The following RAB6A variants were observed in gnomAD, a reference collection of about 807,000 sequenced individuals.
RAB6A encodes RAB6A, member RAS oncogene family, also known as ras-related protein Rab-6A.
A neutral mutation model predicts 32.3 loss-of-function variants in RAB6A; 8 were observed. The ratio of observed to expected loss-of-function variants is 0.25; its 90% CI spans 0.15 to 0.45. The LOEUF is 0.45. Ranked by LOEUF, RAB6A falls within the 20% of genes least tolerant of loss-of-function variation. The pLI, the probability that RAB6A is intolerant of heterozygous loss-of-function variation, is 1.00. For missense variants in RAB6A, 104 were observed against 249.4 expected (o/e 0.42, Z 3.93); for synonymous variants, 73 against 82.1 (o/e 0.89, Z 0.60).
chr11:73,748,091 G>A (rs1018523693), intron 1 of RAB6A, among the ~76,000 whole-genome samples: 1 of 152,092 alleles, frequency 6.6e-6, no homozygotes, highest in African/African-American at 2.4e-5. Context: ...TTCATCAAAG[G>A]GATCTTACCT....
At chr11:73,734,039 T>A (rs887515891) in intron 1 of RAB6A, among the ~76,000 whole-genome samples, 2 of 152,168 alleles carry the variant, frequency 1.3e-5, no homozygotes, top group African/African-American at 2.4e-5. Context: ...CAAGAACCCC[T>A]GATATACTGT....
At chr11:73,709,436 T>C (rs1565357509) in intron 5 of RAB6A, among the ~76,000 whole-genome samples, 1 of 72,584 alleles carries the variant, frequency 1.4e-5, no homozygotes, top group African/African-American at 4.3e-5. Context: ...TCTCCTTAAG[T>C]ATATTATTAT....
intron 6 of RAB6A, among the ~76,000 whole-genome samples, chr11:73,701,488 G>C (rs2134906348): frequency 6.6e-6 from 1 of 152,222 alleles, no homozygotes; most frequent in East Asian, 1.9e-4. Context: ...ATTATTTCAC[G>C]ATAATCAGTT....
intron 6 of RAB6A, among the ~76,000 whole-genome samples, chr11:73,696,382 G>A (rs890690932): frequency 3.9e-5 from 6 of 151,902 alleles, no homozygotes; most frequent in Non-Finnish European, 7.4e-5. Flanking sequence ...ATTTTCAGTA[G>A]AGACTTTGGC....
At chr11:73,730,067 A>T (rs1322460784) in intron 2 of RAB6A, 1 of 152,278 alleles carries the variant, frequency 6.6e-6, no homozygotes, top group African/African-American at 2.4e-5. Context: ...ATAACAAACT[A>T]TCTTTTCAAT....
At chr11:73,739,738 T>A (rs115720498) in intron 1 of RAB6A, among the ~76,000 whole-genome samples, 5 of 152,000 alleles carry the variant, frequency 3.3e-5, no homozygotes, top group African/African-American at 1.2e-4. Flanking sequence ...ATTCACACAA[T>A]CTAAGACTGG....
In RAB6A at chr11:73,720,905, A is replaced by G. The variant is rs763470696; in HGVS notation, c.130-6T>C. The G allele has an allele frequency of 6.2e-7, 1 of 1,600,284 alleles. No homozygotes were observed. The highest frequency in any genetic ancestry group is 8.6e-7 in the Non-Finnish European group (1 of 1,169,138). On this transcript the variant is annotated splice_polypyrimidine_tract_variant and splice_region_variant and intron_variant, in intron 2 of 7. Transcript: ENST00000336083. Reference sequence around the variant, plus strand: ...AAGTCAATGCCAATTGTTGCCTGTAAAACAAAACAAAGAAGTTAACAAATA... The same window carrying G: ...AAGTCAATGCCAATTGTTGCCTGTAGAACAAAACAAAGAAGTTAACAAATA...
chr11:73,756,848 AT>A (rs1336872114), intron 1 of RAB6A, among the ~76,000 whole-genome samples: 3 of 149,584 alleles, frequency 2.0e-5, no homozygotes, highest in African/African-American at 7.4e-5. Flanking sequence ...TAGTTTTTGG[AT>A]TTTTAGTAGA....
At chr11:73,708,050 C>T (rs1423041407) in intron 5 of RAB6A, among the ~76,000 whole-genome samples, 2 of 152,152 alleles carry the variant, frequency 1.3e-5, no homozygotes, top group Admixed American at 1.3e-4. Flanking sequence ...TTTATATAAC[C>T]ATTCCCAAAC....
intron 5 of RAB6A, among the ~76,000 whole-genome samples, chr11:73,709,475 A>ATTATTAT (rs980931704): frequency 6.8e-6 from 1 of 147,644 alleles, no homozygotes; most frequent in Non-Finnish European, 1.5e-5. Flanking sequence ...TATTATTATT[A>ATTATTAT]TGACTCGTGG....
intron 1 of RAB6A, among the ~76,000 whole-genome samples, chr11:73,745,201 C>G (rs937443538): frequency 6.6e-6 from 1 of 152,180 alleles, no homozygotes; most frequent in Admixed American, 6.5e-5. Context: ...TAGTTTACCT[C>G]TCTCAACTAC....
At chr11:73,725,874 C>A (rs1946210703) in intron 2 of RAB6A, among the ~76,000 whole-genome samples, 2 of 152,146 alleles carry the variant, frequency 1.3e-5, no homozygotes, top group South Asian at 4.1e-4. Context: ...ATGGAAGGGC[C>A]AGGCGCGGTG....
At chr11:73,710,703 C>T (rs1383403331) in intron 5 of RAB6A, among the ~76,000 whole-genome samples, 2 of 151,500 alleles carry the variant, frequency 1.3e-5, no homozygotes, top group African/African-American at 4.9e-5. Flanking sequence ...TGCTATTGCA[C>T]TCCAGCCTGG....
intron 1 of RAB6A, among the ~76,000 whole-genome samples, chr11:73,738,549 G>A (rs1946437893): frequency 6.6e-6 from 1 of 152,172 alleles, no homozygotes; most frequent in Admixed American, 6.5e-5. Flanking sequence ...CTACTTGGGA[G>A]GTTGAGGCAG....
intron 2 of RAB6A, among the ~76,000 whole-genome samples, chr11:73,727,649 G>C (rs1946242483): frequency 6.6e-6 from 1 of 152,070 alleles, no homozygotes; most frequent in Non-Finnish European, 1.5e-5. Flanking sequence ...AAATGCCCAT[G>C]TTTTTGTTTT....
chr11:73,735,987 A>T (rs1946387925), intron 1 of RAB6A, among the ~76,000 whole-genome samples: 1 of 148,346 alleles, frequency 6.7e-6, no homozygotes, highest in African/African-American at 2.5e-5. Flanking sequence ...CAATTCACCT[A>T]CTTTTTTTTT....
Position 73,713,260 on chromosome 11 carries a change from T to TA in RAB6A, c.401+2990dup, listed in dbSNP as rs546275874. On this transcript the variant is annotated intron_variant, in intron 5 of 7. Transcript: ENST00000336083. ...GCATAGTTAATAACTGTCTTCTCCTTAAAACATTTATTTTCATTTGGCTTT... is the reference window on the plus strand; with the variant it reads ...GCATAGTTAATAACTGTCTTCTCCTTAAAAACATTTATTTTCATTTGGCTTT... Among the ~76,000 whole-genome samples, 292 of 152,324 alleles carry TA rather than the reference T, an allele frequency of 1.9e-3. 1 individual carries two copies. The highest frequency in any genetic ancestry group is 3.7e-3 in the Non-Finnish European group (255 of 68,028).
intron 2 of RAB6A, chr11:73,722,323 ATATATATATATATATATATATTTT>A (rs1946148227): frequency 3.8e-4 from 3 of 7,850 alleles, no homozygotes; most frequent in East Asian, 4.0e-3. Context: ...ATATATATAT[ATATATATATATATATATATATTTT>A]TTTTTTTTTT....
chr11:73,724,551 T>A (rs1224656533), intron 2 of RAB6A, among the ~76,000 whole-genome samples: 2 of 142,876 alleles, frequency 1.4e-5, no homozygotes, highest in Non-Finnish European at 3.0e-5. Flanking sequence ...AGTGGCTCAA[T>A]CTCAGCTCAC....
Sources: gnomAD v4.1 joint callset for allele counts (sites outside exome capture counted in the v4.1 genomes callset) on GRCh38, gnomAD v4.1.1 for gene constraint, MANE v1.5 for transcripts, NCBI Gene and HGNC (gene_info 2026-07-23, HGNC 2026-07-21) for gene names.